The following CCDC158 variants were observed in gnomAD, a reference collection of about 807,000 sequenced individuals.
The protein encoded by CCDC158 is coiled-coil domain-containing protein 158.
In CCDC158, 116 loss-of-function variants were observed where a neutral mutation model predicts 138.6. That is an observed-to-expected ratio of 0.84 (90% CI 0.72 to 0.98). CCDC158 has a LOEUF of 0.98. Among genes scored for constraint, CCDC158 ranks in the 50% least tolerant of loss-of-function variants. The pLI is 0.00. For missense variants in CCDC158, 1,265 were observed against 1,306.1 expected (o/e 0.97, Z 0.48); for synonymous variants, 436 against 442.4 (o/e 0.99, Z 0.18).
intron 12 of CCDC158, among the ~76,000 whole-genome samples, 156 bp downstream of exon 12, chr4:76,367,135 ATTT>A (rs1724750729): frequency 3.6e-5 from 3 of 84,020 alleles, no homozygotes; most frequent in South Asian, 1.1e-3. Flanking sequence ...TGATAAAAGT[ATTT>A]ATCCTTTCTC....
chr4:76,401,016 C>T (rs1037849843), intron 3 of CCDC158, among the ~76,000 whole-genome samples: 2 of 152,128 alleles, frequency 1.3e-5, no homozygotes, highest in African/African-American at 2.4e-5. Context: ...ACCTGGGGAG[C>T]TTTAAAAAAA....
At chr4:76,395,515 G>C (rs1365927673) in intron 4 of CCDC158, among the ~76,000 whole-genome samples, 1 of 152,194 alleles carries the variant, frequency 6.6e-6, no homozygotes, top group Non-Finnish European at 1.5e-5. Context: ...AGAAGAAAAT[G>C]CATGGGCTGA....
At chr4:76,323,715 T>G (rs1247161922) in intron 23 of CCDC158, among the ~76,000 whole-genome samples, 1 of 152,240 alleles carries the variant, frequency 6.6e-6, no homozygotes, top group Non-Finnish European at 1.5e-5. Context: ...AGTTTAATGA[T>G]GCATTCTGCA....
intron 18 of CCDC158, among the ~76,000 whole-genome samples, chr4:76,342,559 A>G (rs1352135565): frequency 6.6e-6 from 1 of 152,244 alleles, no homozygotes; most frequent in Non-Finnish European, 1.5e-5. Flanking sequence ...AGACTAAAAT[A>G]AAGATAAATA....
At chr4:76,410,749 C>A (rs1729229025) in intron 2 of CCDC158, among the ~76,000 whole-genome samples, 1 of 152,150 alleles carries the variant, frequency 6.6e-6, no homozygotes, top group African/African-American at 2.4e-5. Context: ...ATAAGGAGAA[C>A]CATTCATGTT....
At chr4:76,367,184 T>C (rs1360831478) in intron 12 of CCDC158, 110 bp downstream of exon 12, 2 of 1,209,898 alleles carry the variant, frequency 1.7e-6, no homozygotes, top group Non-Finnish European at 2.3e-6. Flanking sequence ...AACAAACACC[T>C]TCCAACAGTT....
At chr4:76,392,250 A>G (rs1437158939) in intron 4 of CCDC158, among the ~76,000 whole-genome samples, 1 of 152,112 alleles carries the variant, frequency 6.6e-6, no homozygotes, top group African/African-American at 2.4e-5. Flanking sequence ...TGAATTCAGC[A>G]ATACATTAAA....
chr4:76,335,743 G>A (rs1421599088), intron 18 of CCDC158, among the ~76,000 whole-genome samples: 1 of 152,050 alleles, frequency 6.6e-6, no homozygotes, highest in African/African-American at 2.4e-5. Context: ...ACCATGACCA[G>A]CTAACTTTTT....
chr4:76,412,946 G>T (rs912824862), intron 1 of CCDC158, among the ~76,000 whole-genome samples: 3 of 152,214 alleles, frequency 2.0e-5, no homozygotes, highest in Admixed American at 2.0e-4. Context: ...CCTTTCTCCA[G>T]GTACAGTCCA....
At chr4:76,419,879 G>T (rs752307972) in intron 1 of CCDC158, among the ~76,000 whole-genome samples, 1 of 149,440 alleles carries the variant, frequency 6.7e-6, no homozygotes, top group Non-Finnish European at 1.5e-5. Flanking sequence ...CTAGCTGGGG[G>T]ACGGGTGGAT....
At chr4:76,402,943 T>C (rs886499666) in intron 3 of CCDC158, among the ~76,000 whole-genome samples, 195 bp downstream of exon 3, 2 of 152,202 alleles carry the variant, frequency 1.3e-5, no homozygotes, top group Non-Finnish European at 2.9e-5. Flanking sequence ...AGAAACATTT[T>C]TAAAACAAAA....
chr4:76,367,299 G>A lies in CCDC158; in HGVS notation c.1825C>T (p.Leu609Phe). ...INDRRMELKE[L>F]KILKDKKDAK... The stretch of plus-strand genomic sequence containing the variant: ...CACAAAAAAACTCTACAGACCTTAA[G>A]TTCCTTTAGTTCCATCCGCCTATCA... Residue 609 changes from leucine to phenylalanine, a missense_variant, in exon 12 of 25, where the codon CTT becomes TTT. Coordinates refer to ENST00000682701, the MANE Select transcript of CCDC158 (RefSeq NM_001394954.1). 2 of 1,608,574 alleles carry A rather than the reference G, an allele frequency of 1.2e-6. No homozygotes were observed. Among genetic ancestry groups the A allele is most frequent in the Non-Finnish European group, 1.7e-6 (2 of 1,176,702 alleles).
intron 16 of CCDC158, chr4:76,352,462 A>C (rs2110176018): frequency 6.6e-6 from 1 of 152,344 alleles, no homozygotes; most frequent in African/African-American, 2.4e-5. Flanking sequence ...TGAAATTCAC[A>C]GAGTCAATAT....
intron 12 of CCDC158, among the ~76,000 whole-genome samples, chr4:76,364,800 T>C (rs1724497045): frequency 6.6e-6 from 1 of 152,232 alleles, no homozygotes; most frequent in Non-Finnish European, 1.5e-5. Context: ...AGCAGCAGTT[T>C]AACTGTGGAG....
At chr4:76,400,543 T>TA (rs1343835975) in intron 3 of CCDC158, among the ~76,000 whole-genome samples, 4 of 151,388 alleles carry the variant, frequency 2.6e-5, no homozygotes, top group Admixed American at 2.0e-4. Context: ...CCCTAGAACT[T>TA]AAAGTATAAT....
intron 2 of CCDC158, among the ~76,000 whole-genome samples, chr4:76,405,990 A>T (rs2109880387): frequency 6.6e-6 from 1 of 152,216 alleles, no homozygotes; most frequent in East Asian, 1.9e-4. Flanking sequence ...CAGAATTTAG[A>T]CCAAACAGTC....
intron 18 of CCDC158, among the ~76,000 whole-genome samples, chr4:76,336,131 G>A (rs188181004): frequency 2.5e-4 from 32 of 125,706 alleles, no homozygotes; most frequent in African/African-American, 7.5e-4. Flanking sequence ...GCAGTGAGCC[G>A]AGATTGTGCC....
chr4:76,315,007 A>T (rs1719237664), intron 24 of CCDC158, among the ~76,000 whole-genome samples: 1 of 152,174 alleles, frequency 6.6e-6, no homozygotes, highest in African/African-American at 2.4e-5. Context: ...GGGGAAGTTT[A>T]TAGCACGGGC....
intron 24 of CCDC158, among the ~76,000 whole-genome samples, chr4:76,315,083 G>A (rs73828781): frequency 0.027 from 4,090 of 152,256 alleles, 177 homozygotes; most frequent in African/African-American, 0.093. Flanking sequence ...CACTGGCGCT[G>A]TTAGCAGGGC....
Sources: gnomAD v4.1 joint callset for allele counts (sites outside exome capture counted in the v4.1 genomes callset) on GRCh38, gnomAD v4.1.1 for gene constraint, MANE v1.5 for transcripts, NCBI Gene and HGNC (gene_info 2026-07-23, HGNC 2026-07-21) for gene names.